CDKAL1: variants seen among roughly 807,000 people sequenced by gnomAD.
CDKAL1 encodes CDKAL1 threonylcarbamoyladenosine tRNA methylthiotransferase.
CDKAL1 carries 32 observed loss-of-function variants against 68.2 expected under a neutral mutation model. The ratio of observed to expected loss-of-function variants is 0.47; its 90% CI spans 0.35 to 0.63. CDKAL1 has a LOEUF of 0.63. Among genes scored for constraint, CDKAL1 ranks in the 30% least tolerant of loss-of-function variants. CDKAL1 has a pLI of 0.00. For synonymous variants in CDKAL1, 234 were observed against 244.3 expected, an observed-to-expected ratio of 0.96 and a Z score of 0.39; for missense variants, 606 against 696.7, an observed-to-expected ratio of 0.87 and a Z score of 1.47.
intron 6 of CDKAL1, among the ~76,000 whole-genome samples, chr6:20,742,280 A>G (rs1402377974): frequency 6.6e-6 from 1 of 151,904 alleles, no homozygotes; most frequent in South Asian, 2.1e-4. Flanking sequence ...CTCTGTTGAG[A>G]GTTTCTTTTG....
At chr6:20,634,159 C>T (rs1767794985) in intron 4 of CDKAL1, among the ~76,000 whole-genome samples, 1 of 152,152 alleles carries the variant, frequency 6.6e-6, no homozygotes, top group East Asian at 1.9e-4. Context: ...GATGTTTTGG[C>T]AGTTTGCTAG....
rs753304984 is a variant in CDKAL1 at position 20,848,279 on chromosome 6, G to GTTTTTTTGGTTTTT, written c.742+2108_742+2109insGGTTTTTTTTTTTT. Among the ~76,000 whole-genome samples the GTTTTTTTGGTTTTT allele has an allele frequency of 8.0e-3, 501 of 62,316 alleles. 9 individuals are homozygous for GTTTTTTTGGTTTTT. The highest frequency in any genetic ancestry group is 0.015 in the African/African-American group (429 of 27,688). The allele number at this position is 62,316 out of a possible 152,430, so 40.9% of individuals were successfully genotyped here. A position where few individuals can be genotyped will look rare whatever the true frequency, so the allele number is the denominator to read the frequency against. Reference sequence around the variant, plus strand: ...TCCTTTTGTTACTTGCTGGAAAGTTGTTTTTTTTTTTTTTCCAATTTAGTT... The same window carrying GTTTTTTTGGTTTTT: ...TCCTTTTGTTACTTGCTGGAAAGTTGTTTTTTTGGTTTTTTTTTTTTTTTTTTTCCAATTTAGTT... On this transcript the variant is annotated intron_variant, in intron 9 of 15. Transcript: ENST00000274695.
intron 7 of CDKAL1, among the ~76,000 whole-genome samples, chr6:20,758,975 C>G (rs1182094147): frequency 6.6e-6 from 1 of 152,002 alleles, no homozygotes; most frequent in Non-Finnish European, 1.5e-5. Flanking sequence ...ATCCTGGGAT[C>G]TCTGGGGGAG....
intron 4 of CDKAL1, among the ~76,000 whole-genome samples, chr6:20,636,802 C>T (rs1032235736): frequency 4.6e-5 from 7 of 152,048 alleles, no homozygotes; most frequent in Non-Finnish European, 1.0e-4. Flanking sequence ...TTTGGGAGGC[C>T]GAGGCGGGTG....
At chr6:21,054,081 T>G (rs6933211) in intron 11 of CDKAL1, among the ~76,000 whole-genome samples, 2 of 152,176 alleles carry the variant, frequency 1.3e-5, no homozygotes, top group African/African-American at 4.8e-5. Context: ...GTTTAATAAT[T>G]CTGTATCTGA....
intron 4 of CDKAL1, among the ~76,000 whole-genome samples, chr6:20,611,020 C>T (rs1342544570): frequency 1.3e-5 from 2 of 152,192 alleles, no homozygotes; most frequent in East Asian, 3.8e-4. Flanking sequence ...TCCCTCACAG[C>T]TTTGAGGCAT....
chr6:20,651,023 T>A (rs1282625948), intron 5 of CDKAL1, among the ~76,000 whole-genome samples: 3 of 152,252 alleles, frequency 2.0e-5, no homozygotes, highest in African/African-American at 7.2e-5. Flanking sequence ...CTTAGGATTG[T>A]CTTGGCTATA....
intron 4 of CDKAL1, among the ~76,000 whole-genome samples, chr6:20,557,343 T>C (rs1008578387): frequency 3.9e-5 from 6 of 152,034 alleles, no homozygotes; most frequent in African/African-American, 1.4e-4. Flanking sequence ...TGATCATGTG[T>C]AGTATCTGTA....
chr6:21,055,226 T>C (rs1262204099), intron 11 of CDKAL1, among the ~76,000 whole-genome samples: 1 of 152,192 alleles, frequency 6.6e-6, no homozygotes, highest in East Asian at 1.9e-4. Context: ...TCATGATATA[T>C]AATCATTTTT....
intron 9 of CDKAL1, 120 bp from the exon 10 acceptor site, chr6:20,955,299 G>T: frequency 2.0e-6 from 2 of 1,000,008 alleles, no homozygotes; most frequent in Admixed American, 4.6e-5. Flanking sequence ...CTCTGCAATT[G>T]AATACCCAGA....
At chr6:20,893,489 C>A (rs998428834) in intron 9 of CDKAL1, among the ~76,000 whole-genome samples, 1 of 152,040 alleles carries the variant, frequency 6.6e-6, no homozygotes, top group Non-Finnish European at 1.5e-5. Context: ...GAGGGCCTGA[C>A]TATGGGGGAA....
intron 9 of CDKAL1, among the ~76,000 whole-genome samples, chr6:20,909,193 G>A (rs1411374074): frequency 1.5e-5 from 1 of 66,134 alleles, no homozygotes; most frequent in African/African-American, 4.3e-5. Context: ...GTATGTGTGT[G>A]TGTGTGTGTG....
chr6:20,567,055 C>A (rs947735562), intron 4 of CDKAL1, among the ~76,000 whole-genome samples: 1 of 151,712 alleles, frequency 6.6e-6, no homozygotes, highest in Non-Finnish European at 1.5e-5. Flanking sequence ...ATGTTCTTTT[C>A]GCTTTGTCTT....
chr6:21,163,949 C>G (rs1193615618), intron 13 of CDKAL1, among the ~76,000 whole-genome samples: 1 of 150,500 alleles, frequency 6.6e-6, no homozygotes, highest in Non-Finnish European at 1.5e-5. Flanking sequence ...GAAACTCTAT[C>G]TCAAAAACAA....
At chr6:20,979,958 G>T (rs1336130039) in intron 10 of CDKAL1, among the ~76,000 whole-genome samples, 5 of 151,646 alleles carry the variant, frequency 3.3e-5, no homozygotes, top group African/African-American at 7.3e-5. Context: ...TTTTAGTAGA[G>T]ATGGGGTTTC....
At chr6:20,739,113 G>A (rs966245399) in intron 5 of CDKAL1, among the ~76,000 whole-genome samples, 8 of 151,850 alleles carry the variant, frequency 5.3e-5, no homozygotes, top group African/African-American at 1.9e-4. Flanking sequence ...TTTTATATTG[G>A]TCAAAAGACT....
intron 10 of CDKAL1, among the ~76,000 whole-genome samples, chr6:20,965,209 G>T (rs1765243375): frequency 2.0e-5 from 3 of 151,978 alleles, no homozygotes. Context: ...CTACTCAGGA[G>T]GCTGAGGCCA....
chr6:20,745,401 CCTT>C (rs1416979961), intron 6 of CDKAL1, among the ~76,000 whole-genome samples: 1 of 152,162 alleles, frequency 6.6e-6, no homozygotes, highest in African/African-American at 2.4e-5. Flanking sequence ...GGAACGCTCT[CCTT>C]CTCCTGTTTG....
chr6:20,984,179 C>G (rs1009549640), intron 10 of CDKAL1, among the ~76,000 whole-genome samples: 1 of 152,230 alleles, frequency 6.6e-6, no homozygotes, highest in Non-Finnish European at 1.5e-5. Context: ...TATGCTACTA[C>G]TACTGAAGCA....
Sources: gnomAD v4.1 joint callset for allele counts (sites outside exome capture counted in the v4.1 genomes callset) on GRCh38, gnomAD v4.1.1 for gene constraint, MANE v1.5 for transcripts, NCBI Gene and HGNC (gene_info 2026-07-23, HGNC 2026-07-21) for gene names.